The following CRADD variants were observed in gnomAD, a reference collection of about 807,000 sequenced individuals.
The protein encoded by CRADD is CARD and death domain containing adaptor protein.
A neutral mutation model predicts 15.5 loss-of-function variants in CRADD; 9 were observed. The observed-to-expected ratio is 0.58, with a 90% CI of 0.35 to 1.01. The LOEUF (loss-of-function observed/expected upper bound fraction) is 1.01. Among genes scored for constraint, CRADD ranks in the 50% least tolerant of loss-of-function variants. The pLI is 0.02. For missense variants in CRADD, 227 were observed against 250.3 expected (o/e 0.91, Z 0.63); for synonymous variants, 118 against 107.6 (o/e 1.10, Z -0.60).
intron 2 of CRADD, among the ~76,000 whole-genome samples, chr12:93,893,836 G>A (rs1340919089): frequency 6.6e-6 from 1 of 151,824 alleles, no homozygotes; most frequent in Non-Finnish European, 1.5e-5. Context: ...AACCTGGGAG[G>A]CAGAGGTAGC....
intron 2 of CRADD, among the ~76,000 whole-genome samples, chr12:93,796,797 CAA>C (rs1957423880): frequency 6.6e-6 from 1 of 152,110 alleles, no homozygotes; most frequent in Non-Finnish European, 1.5e-5. Context: ...TTAATCATTT[CAA>C]TTTTGCTGGT....
At chr12:93,703,821 G>A (rs985694080) in intron 2 of CRADD, among the ~76,000 whole-genome samples, 2 of 152,070 alleles carry the variant, frequency 1.3e-5, no homozygotes, top group South Asian at 2.1e-4. Flanking sequence ...TGACATTGGT[G>A]CAATACTAGT....
chr12:93,822,163 G>T (rs1271188635), intron 2 of CRADD, among the ~76,000 whole-genome samples: 1 of 151,284 alleles, frequency 6.6e-6, no homozygotes, highest in East Asian at 1.9e-4. Context: ...GGCACAAAAA[G>T]AATTGAAAGG....
chr12:93,810,225 AG>A (rs147593474), intron 2 of CRADD, among the ~76,000 whole-genome samples: 5,466 of 152,232 alleles, frequency 0.036, 309 homozygotes, highest in African/African-American at 0.12. Context: ...GAGAGAAGAC[AG>A]GAAGAGAAAG....
chr12:93,831,725 A>G (rs1957905550), intron 2 of CRADD, among the ~76,000 whole-genome samples: 1 of 152,276 alleles, frequency 6.6e-6, no homozygotes, highest in Admixed American at 6.5e-5. Flanking sequence ...TATATGCCAC[A>G]TGCTTTCATG....
chr12:93,825,051 T>C (rs1957809208), intron 2 of CRADD, among the ~76,000 whole-genome samples: 1 of 152,224 alleles, frequency 6.6e-6, no homozygotes, highest in South Asian at 2.1e-4. Flanking sequence ...CCAAAACTAT[T>C]TGATGAGGGC....
At position 93,803,346 on chromosome 12, in the gene CRADD, G is replaced by A. The variant is rs185450105; in HGVS notation, c.299-46624G>A. On this transcript the variant is annotated intron_variant, in intron 2 of 2. Coordinates refer to ENST00000332896, the MANE Select transcript of CRADD (RefSeq NM_003805.5). The stretch of plus-strand genomic sequence containing the variant: ...TGGAGGGGAGGCAGCTCCTGGGAGA[G>A]ATTTGGAAGTTGGCAGAGCTGCTAT... Among the ~76,000 whole-genome samples the A allele has an allele frequency of 2.2e-3, 333 of 152,228 alleles. 1 individual carries two copies. The highest frequency in any genetic ancestry group is 3.5e-3 in the Non-Finnish European group (236 of 68,016).
chr12:93,819,128 C>T (rs1207498497), intron 2 of CRADD, among the ~76,000 whole-genome samples: 1 of 152,186 alleles, frequency 6.6e-6, no homozygotes, highest in Admixed American at 6.5e-5. Flanking sequence ...GCCTATTATC[C>T]CTACTTGGCC....
chr12:93,741,193 C>G (rs1207912645), intron 2 of CRADD, among the ~76,000 whole-genome samples: 1 of 152,144 alleles, frequency 6.6e-6, no homozygotes, highest in Non-Finnish European at 1.5e-5. Flanking sequence ...ATTACAGATG[C>G]AATGATTTTG....
intron 2 of CRADD, among the ~76,000 whole-genome samples, chr12:93,702,211 C>G (rs995655909): frequency 6.6e-6 from 1 of 151,976 alleles, no homozygotes; most frequent in Non-Finnish European, 1.5e-5. Flanking sequence ...CTTTTTGGCT[C>G]AAATAAAGAA....
chr12:93,687,552 G>A (rs2117869), intron 2 of CRADD, among the ~76,000 whole-genome samples: 2,176 of 152,254 alleles, frequency 0.014, 37 homozygotes, highest in East Asian at 0.086. Flanking sequence ...CAAATGCTTC[G>A]TGAGGTCATC....
At chr12:93,683,872 C>A (rs1337293704) in intron 2 of CRADD, among the ~76,000 whole-genome samples, 1 of 152,216 alleles carries the variant, frequency 6.6e-6, no homozygotes, top group Non-Finnish European at 1.5e-5. Flanking sequence ...CCTTGCTCTG[C>A]ATGTAAGTTC....
At chr12:93,818,957 C>T (rs1320389389) in intron 2 of CRADD, among the ~76,000 whole-genome samples, 2 of 152,254 alleles carry the variant, frequency 1.3e-5, no homozygotes, top group African/African-American at 2.4e-5. Context: ...AGAGACCGCA[C>T]TGGCGAAGAT....
intron 2 of CRADD, among the ~76,000 whole-genome samples, chr12:93,868,672 CCT>C (rs898191059): frequency 1.3e-5 from 2 of 149,232 alleles, no homozygotes; most frequent in East Asian, 3.9e-4. Flanking sequence ...TCTCTCTCTC[CCT>C]CTCTCTCTCT....
intron 2 of CRADD, among the ~76,000 whole-genome samples, chr12:93,838,988 G>A (rs1292665419): frequency 6.6e-6 from 1 of 151,664 alleles, no homozygotes; most frequent in African/African-American, 2.4e-5. Context: ...TCCCAGGCTA[G>A]CCTTGAACTC....
intron 2 of CRADD, among the ~76,000 whole-genome samples, chr12:93,873,827 G>T (rs1203743593): frequency 6.6e-6 from 1 of 151,936 alleles, no homozygotes; most frequent in African/African-American, 2.4e-5. Flanking sequence ...GTTTTGTTGA[G>T]GATTTTTGCA....
At chr12:93,825,499 G>A (rs1261971304) in intron 2 of CRADD, among the ~76,000 whole-genome samples, 1 of 152,180 alleles carries the variant, frequency 6.6e-6, no homozygotes, top group Non-Finnish European at 1.5e-5. Context: ...AATGATAGGA[G>A]GAGGGAGCAC....
chr12:93,844,074 T>C (rs1419245958), intron 2 of CRADD, among the ~76,000 whole-genome samples: 1 of 152,212 alleles, frequency 6.6e-6, no homozygotes, highest in Non-Finnish European at 1.5e-5. Context: ...ATTCTATATC[T>C]GCATTTTAAT....
intron 2 of CRADD, among the ~76,000 whole-genome samples, chr12:93,864,488 A>C (rs1043726398): frequency 6.6e-6 from 1 of 152,240 alleles, no homozygotes; most frequent in Admixed American, 6.5e-5. Context: ...TTAATGTCCC[A>C]TAAACATCAT....
Sources: gnomAD v4.1 joint callset for allele counts (sites outside exome capture counted in the v4.1 genomes callset) on GRCh38, gnomAD v4.1.1 for gene constraint, MANE v1.5 for transcripts, NCBI Gene and HGNC (gene_info 2026-07-23, HGNC 2026-07-21) for gene names.